COL4A5: variants seen among roughly 807,000 people sequenced by gnomAD.
COL4A5 encodes the protein collagen alpha-5(IV) chain.
Under a neutral mutation model 130.2 loss-of-function variants are expected in COL4A5, and 26 were observed. The observed-to-expected ratio is 0.20, with a 90% CI of 0.15 to 0.28. The LOEUF (loss-of-function observed/expected upper bound fraction) is 0.28, where lower values mean the gene tolerates loss of function less well. Among genes scored for constraint, COL4A5 ranks in the 10% least tolerant of loss-of-function variants. The pLI, the probability that COL4A5 is intolerant of heterozygous loss-of-function variation, is 1.00. For missense variants in COL4A5, 1,131 were observed against 1,344.3 expected (o/e 0.84, Z 2.48); for synonymous variants, 496 against 439.6 (o/e 1.13, Z -1.60).
chrX:108,658,598 A>G (rs900239748), intron 37 of COL4A5, among the ~76,000 whole-genome samples: 2 of 111,464 alleles, frequency 1.8e-5, no homozygotes, highest in Admixed American at 9.6e-5. Flanking sequence ...CAGTTATATT[A>G]CTATTCAGAT....
intron 2 of COL4A5, among the ~76,000 whole-genome samples, chrX:108,552,304 G>A (rs1417737431): frequency 1.8e-5 from 2 of 112,136 alleles, no homozygotes; most frequent in African/African-American, 6.5e-5. Flanking sequence ...AAGCATCCAA[G>A]TTGCTGCATG....
chrX:108,596,958 A>ATTGTGTGTGTGTGTGTTTGT lies in COL4A5; in HGVS notation c.1517-22_1517-3dup, dbSNP rs1207542264. On this transcript the variant is annotated intron_variant, in intron 22 of 52. Transcript: ENST00000328300. ...GGAGTTCAAGCTCAAAGCTTACGTTATTGTGTGTGTGTGTGTTTGTTTGTG... is the reference window on the plus strand; with the variant it reads ...GGAGTTCAAGCTCAAAGCTTACGTTATTGTGTGTGTGTGTGTTTGTTTGTGTGTGTGTGTGTTTGTTTGTG... The ATTGTGTGTGTGTGTGTTTGT allele has an allele frequency of 6.3e-6, 7 of 1,106,850 alleles. No homozygotes were observed. In the South Asian group the frequency reaches 1.2e-4, roughly 19 times the overall value. The allele number at this position is 1,106,850 out of a possible 1,213,427, so 91.2% of individuals were successfully genotyped here.
intron 36 of COL4A5, 31 bp downstream of exon 36, chrX:108,626,380 A>T: frequency 2.5e-6 from 3 of 1,208,134 alleles, no homozygotes; most frequent in South Asian, 1.8e-5. Flanking sequence ...TTAGGCACAT[A>T]CTTGAGCAGA....
intron 1 of COL4A5, among the ~76,000 whole-genome samples, chrX:108,528,263 C>T (rs1270964909): frequency 8.9e-6 from 1 of 112,391 alleles, no homozygotes; most frequent in African/African-American, 3.2e-5. Flanking sequence ...ATAAACACCA[C>T]TAATGCTGTT....
At chrX:108,614,432 A>C in intron 29 of COL4A5, among the ~76,000 whole-genome samples, 1 of 111,634 alleles carries the variant, frequency 9.0e-6, no homozygotes, top group South Asian at 3.7e-4. Flanking sequence ...TTAAAGTGGG[A>C]GTGACAGAGG....
intron 1 of COL4A5, among the ~76,000 whole-genome samples, chrX:108,467,588 A>G (rs1447539768): frequency 3.6e-5 from 4 of 112,014 alleles, no homozygotes; most frequent in Non-Finnish European, 5.6e-5. Context: ...TGCTTTGGGT[A>G]GTATTGCCAT....
At chrX:108,466,371 A>G (rs2064706537) in intron 1 of COL4A5, among the ~76,000 whole-genome samples, 1 of 111,998 alleles carries the variant, frequency 8.9e-6, no homozygotes, top group Admixed American at 9.5e-5. Context: ...CCAGCAAGGT[A>G]TCAGCATTTC....
At chrX:108,454,131 G>A (rs905699112) in intron 1 of COL4A5, among the ~76,000 whole-genome samples, 1 of 112,438 alleles carries the variant, frequency 8.9e-6, no homozygotes, top group African/African-American at 3.2e-5. Context: ...TTGAATGAAT[G>A]TTGAATTTGG....
At chrX:108,498,432 T>C (rs1475421010) in intron 1 of COL4A5, among the ~76,000 whole-genome samples, 1 of 111,480 alleles carries the variant, frequency 9.0e-6, no homozygotes, top group East Asian at 2.8e-4. Context: ...AATATAAATA[T>C]TAAAACTTCC....
chrX:108,522,604 C>G (rs1399288829), intron 1 of COL4A5, among the ~76,000 whole-genome samples: 1 of 106,822 alleles, frequency 9.4e-6, no homozygotes, highest in Non-Finnish European at 1.9e-5. Context: ...TGAAAAATGT[C>G]TATTCAAATC....
chrX:108,584,125 A>AT (rs967765602), intron 17 of COL4A5, among the ~76,000 whole-genome samples: 4 of 107,633 alleles, frequency 3.7e-5, no homozygotes, highest in African/African-American at 6.7e-5. Context: ...TAGTGCTACC[A>AT]TTTTTTTTCT....
chrX:108,528,779 T>C (rs1167542641), intron 1 of COL4A5, among the ~76,000 whole-genome samples: 1 of 112,583 alleles, frequency 8.9e-6, no homozygotes, highest in Non-Finnish European at 1.9e-5. Context: ...GAAATAAGAA[T>C]TTTAAAAAGA....
chrX:108,633,505 A>T (rs764138538), intron 36 of COL4A5, among the ~76,000 whole-genome samples: 103 of 110,980 alleles, frequency 9.3e-4, no homozygotes, highest in African/African-American at 3.1e-3. Flanking sequence ...TTGTATTTAA[A>T]TTTTTTTTCC....
chrX:108,611,313 T>C (rs1366404777), intron 29 of COL4A5, among the ~76,000 whole-genome samples: 1 of 111,316 alleles, frequency 9.0e-6, no homozygotes, highest in Non-Finnish European at 1.9e-5. Flanking sequence ...CCTCATATAT[T>C]ACTTTTGTTC....
intron 6 of COL4A5, among the ~76,000 whole-genome samples, chrX:108,570,181 T>A (rs1022238569): frequency 9.0e-6 from 1 of 111,495 alleles, no homozygotes; most frequent in Non-Finnish European, 1.9e-5. Flanking sequence ...TTAAAAAAAA[T>A]TTTGGATTCA....
intron 18 of COL4A5, among the ~76,000 whole-genome samples, chrX:108,585,290 G>A (rs959212191): frequency 4.7e-4 from 53 of 111,780 alleles, no homozygotes; most frequent in African/African-American, 1.7e-3. Context: ...AACTTAATTC[G>A]TATTATCCAT....
intron 1 of COL4A5, among the ~76,000 whole-genome samples, chrX:108,467,253 C>T (rs1243813732): frequency 1.8e-5 from 2 of 111,317 alleles, no homozygotes; most frequent in African/African-American, 3.3e-5. Context: ...TACAGTTGTC[C>T]CAGCTGTTAT....
chrX:108,557,153 A>T (rs181365704), intron 2 of COL4A5, among the ~76,000 whole-genome samples: 20 of 111,139 alleles, frequency 1.8e-4, no homozygotes, highest in Non-Finnish European at 3.2e-4. Context: ...CTGAGATCCC[A>T]AAATGTACCT....
intron 41 of COL4A5, 61 bp downstream of exon 41, chrX:108,668,565 G>A (rs2068134789): frequency 6.3e-6 from 6 of 951,539 alleles, no homozygotes; most frequent in Admixed American, 3.5e-5. Flanking sequence ...CGTTTTGCTG[G>A]CAGGTTATTC....
Sources: gnomAD v4.1 joint callset for allele counts (sites outside exome capture counted in the v4.1 genomes callset) on GRCh38, gnomAD v4.1.1 for gene constraint, MANE v1.5 for transcripts, NCBI Gene and HGNC (gene_info 2026-07-23, HGNC 2026-07-21) for gene names.